AMHR2: variants seen among roughly 807,000 people sequenced by gnomAD.
AMHR2 encodes anti-Mullerian hormone receptor type 2.
Under a neutral mutation model 61.4 loss-of-function variants are expected in AMHR2, and 36 were observed. That is an observed-to-expected ratio of 0.59 (90% CI 0.45 to 0.77). AMHR2 has a LOEUF of 0.77. AMHR2 is among the 30% of genes least tolerant of loss of function. The pLI, the probability that AMHR2 is intolerant of heterozygous loss-of-function variation, is 0.00. For synonymous variants in AMHR2, 258 were observed against 279.4 expected, an observed-to-expected ratio of 0.92 and a Z score of 0.76; for missense variants, 638 against 714.6, an observed-to-expected ratio of 0.89 and a Z score of 1.22.
intron 1 of AMHR2, 93 bp downstream of exon 1, chr12:53,424,076 G>C (rs1028141392): frequency 1.6e-5 from 24 of 1,496,224 alleles, no homozygotes; most frequent in Non-Finnish European, 2.1e-5. Flanking sequence ...GAAGAGTGGT[G>C]AGTGGGCTGG....
rs748279145 is a variant in AMHR2, at chr12:53,429,616, C to T, written c.1131C>T (p.Ala377=). 1.9e-6 allele frequency: 3 copies of T among 1,613,926 alleles called. No homozygotes were observed. In the South Asian group the frequency reaches 3.3e-5, roughly 18 times the overall value. Residue 377 remains alanine (A), a synonymous_variant, in exon 8 of 11, where the codon GCC becomes GCT. Transcript: ENST00000257863. ...WTPTQPQGPA[A]IMEAGTQRYM... is the part of the protein sequence containing the mutation. Reference sequence around the variant, plus strand: ...CTACTCAACCACAAGGCCCAGCTGCCATCATGGAAGTGAGTTCTCTGGATA... The same window carrying T: ...CTACTCAACCACAAGGCCCAGCTGCTATCATGGAAGTGAGTTCTCTGGATA...
At position 53,431,604 on chromosome 12, in the gene AMHR2, A is replaced by C; in HGVS notation, c.*131A>C. Reference sequence around the variant, plus strand: ...ATTCTTCTGCGGGCATCCAGTCCACATCAGTTCTGACCAGTGACTTGGGGT... The same window carrying C: ...ATTCTTCTGCGGGCATCCAGTCCACCTCAGTTCTGACCAGTGACTTGGGGT... On this transcript the variant is annotated 3_prime_UTR_variant, in exon 11 of 11. Transcript: ENST00000257863. The C allele has an allele frequency of 8.4e-7, 1 of 1,188,862 alleles. No homozygotes were observed. Among genetic ancestry groups the C allele is most frequent in the East Asian group, 2.4e-5 (1 of 41,164 alleles). 73.6% of individuals were successfully genotyped at this position (1,188,862 alleles called of 1,614,324 possible).
intron 4 of AMHR2, 89 bp from the exon 5 acceptor site, chr12:53,425,366 T>C (rs1442466870): frequency 3.7e-6 from 6 of 1,604,308 alleles, no homozygotes; most frequent in Non-Finnish European, 3.4e-6. Flanking sequence ...CGGACTCCCA[T>C]GACCTCTCAC....
chr12:53,426,982 CAAAAAAA>C (rs929522833), intron 6 of AMHR2, among the ~76,000 whole-genome samples: 11 of 71,826 alleles, frequency 1.5e-4, no homozygotes, highest in South Asian at 5.1e-4. Context: ...CGTGCCCAGC[CAAAAAAA>C]AAAAAAAAAA....
At chr12:53,425,628 G>T (rs917000947) in intron 5 of AMHR2, 55 bp downstream of exon 5, 8 of 1,612,550 alleles carry the variant, frequency 5.0e-6, no homozygotes, top group African/African-American at 1.3e-5. Context: ...GGTTGTGCTG[G>T]GGAGGAATCC....
chr12:53,428,153 C>T (rs887563616), intron 6 of AMHR2, among the ~76,000 whole-genome samples: 1 of 152,120 alleles, frequency 6.6e-6, no homozygotes, highest in African/African-American at 2.4e-5. Context: ...TTGCTTTATG[C>T]CCCTTGGCAC....
intron 7 of AMHR2, 38 bp downstream of exon 7, chr12:53,429,048 G>A: frequency 6.7e-7 from 1 of 1,496,874 alleles, no homozygotes; most frequent in Non-Finnish European, 9.1e-7. Flanking sequence ...GGGAGCCACA[G>A]TGCTATGTTT....
At position 53,430,299 on chromosome 12, in the gene AMHR2, G is replaced by A; in HGVS notation, c.1425+17G>A. 6.2e-7 allele frequency: 1 copy of A among 1,614,158 alleles called. No individual in the cohort carries two copies. The highest frequency in any genetic ancestry group is 2.2e-5 in the East Asian group (1 of 44,882). On this transcript the variant is annotated intron_variant, in intron 10 of 10. Transcript: ENST00000257863. ...TTTGCCACAGTAAGAGGCCTAGGCTGTTGGTCTGGGAACCTGGAGAGTGGG... is the reference window on the plus strand; with the variant it reads ...TTTGCCACAGTAAGAGGCCTAGGCTATTGGTCTGGGAACCTGGAGAGTGGG...
At chr12:53,430,682 T>C in intron 10 of AMHR2, 1 of 370,052 alleles carries the variant, frequency 2.7e-6, no homozygotes, top group Non-Finnish European at 5.1e-6. Flanking sequence ...CCCCATTCTG[T>C]CATACATTGA....
chr12:53,430,841 T>A, intron 10 of AMHR2: 1 of 438,888 alleles, frequency 2.3e-6, no homozygotes, highest in Non-Finnish European at 4.2e-6. Context: ...ACGGCACAAG[T>A]CTTAGGTTGG....
chr12:53,431,235 G>C lies in AMHR2; in HGVS notation c.1484G>C (p.Arg495Pro). Residue 495 changes from arginine to proline, a missense_variant, in exon 11 of 11, where the codon CGG becomes CCG. Arg to Pro is a moderately radical substitution (Grantham distance 103, BLOSUM62 -2). Coordinates refer to ENST00000257863, the MANE Select transcript of AMHR2 (RefSeq NM_020547.3). Reference protein sequence around the residue: ...EDCWDADPEARLTAECVQQRL... With the variant: ...EDCWDADPEAPLTAECVQQRL... The stretch of plus-strand genomic sequence containing the variant: ...TGTTGGGATGCAGACCCAGAAGCAC[G>C]GCTGACAGCTGAGTGTGTACAGCAG... 1 of 1,614,236 alleles carries C rather than the reference G, an allele frequency of 6.2e-7. No individual in the cohort carries two copies. Among genetic ancestry groups the C allele is most frequent in the Non-Finnish European group, 8.5e-7 (1 of 1,180,052 alleles).
chr12:53,428,781 G>A, intron 6 of AMHR2, 115 bp from the exon 7 acceptor site: 1 of 750,194 alleles, frequency 1.3e-6, no homozygotes, highest in Non-Finnish European at 2.3e-6. Flanking sequence ...ATCCATCAGT[G>A]TGTCTGTCTG....
At chr12:53,427,992 A>G (rs1184380834) in intron 6 of AMHR2, among the ~76,000 whole-genome samples, 2 of 152,190 alleles carry the variant, frequency 1.3e-5, no homozygotes, top group Non-Finnish European at 2.9e-5. Flanking sequence ...CTCTTCCCTG[A>G]ACTTTTTCAG....
Position 53,423,866 on chromosome 12 carries a change from A to C in AMHR2, c.-69A>C. On this transcript the variant is annotated 5_prime_UTR_variant, in exon 1 of 11. Transcript: ENST00000257863. ...CCCCAGGATGCCCTGTATCTGAAGA[A>C]AGATTTGGCCAGGGGCAGCTGTGCT... is the stretch of plus-strand genomic sequence containing the variant. 3 of 1,567,080 alleles carry C rather than the reference A, an allele frequency of 1.9e-6. No individual in the cohort carries two copies. Among genetic ancestry groups the C allele is most frequent in the African/African-American group, 1.4e-5 (1 of 73,984 alleles).
intron 7 of AMHR2, 125 bp from the exon 8 acceptor site, chr12:53,429,328 G>C: frequency 1.9e-6 from 2 of 1,048,162 alleles, no homozygotes; most frequent in South Asian, 1.3e-5. Flanking sequence ...GGAGGCGGAG[G>C]TTGCAGTGAG....
chr12:53,429,933 CT>C lies in AMHR2; in HGVS notation c.1244del (p.Leu415ArgfsTer7). 1 of 1,614,206 alleles carries C rather than the reference CT, an allele frequency of 6.2e-7. No individual in the cohort carries two copies. The highest frequency in any genetic ancestry group is 8.5e-7 in the Non-Finnish European group (1 of 1,180,040). On this transcript the variant is annotated frameshift_variant, in exon 9 of 11. Coordinates refer to ENST00000257863, the MANE Select transcript of AMHR2 (RefSeq NM_020547.3). LOFTEE classifies it high-confidence loss of function. Reference protein sequence around the residue: ...LRRADIYSLALLLWEILSRCP... With the variant: ...LRRADIYSLAXLLWEILSRCP... Reference sequence around the variant, plus strand: ...ACGAGCTGATATTTACTCTTTGGCTCTGCTCCTGTGGGAGATACTGAGCCGC... The same window carrying C: ...ACGAGCTGATATTTACTCTTTGGCTCGCTCCTGTGGGAGATACTGAGCCGC...
chr12:53,424,616 T>C (rs889702631), intron 2 of AMHR2, 93 bp from the exon 3 acceptor site: 11 of 1,530,698 alleles, frequency 7.2e-6, no homozygotes, highest in Non-Finnish European at 9.0e-6. Context: ...ACGCCTCTGA[T>C]AGAGAAGGGA....
rs1326273477 is a variant in AMHR2, at chr12:53,431,395, G to A, written c.1644G>A (p.Arg548=). ...CCATCCTCCCCTGTAGGCCTCAGCG[G>A]AGTGCCTGCCACTTCAGCGTTCAGC... ...APTILPCRPQ[R]SACHFSVQQG... The change falls in exon 11 of 11, where the codon CGG becomes CGA. Residue 548 remains arginine (R), a synonymous_variant. Transcript: ENST00000257863. 3 of 1,614,090 alleles carry A rather than the reference G, an allele frequency of 1.9e-6. No homozygotes were observed. The African/African-American group carries it at 4.0e-5, about 22-fold the overall frequency.
At chr12:53,429,139 T>C (rs1007760447) in intron 7 of AMHR2, 129 bp downstream of exon 7, 2 of 911,840 alleles carry the variant, frequency 2.2e-6, no homozygotes, top group Non-Finnish European at 3.4e-6. Flanking sequence ...ACGCCTATAA[T>C]CCCAGCACTT....
Sources: allele counts gnomAD v4.1 joint callset (sites outside exome capture counted in the v4.1 genomes callset), GRCh38; gene constraint gnomAD v4.1.1; transcripts MANE v1.5; gene names NCBI Gene and HGNC (gene_info 2026-07-23, HGNC 2026-07-21).